Variants in SLC24A2 observed in about 807,000 individuals in gnomAD.
SLC24A2 encodes solute carrier family 24 member 2.
Under a neutral mutation model 62.0 loss-of-function variants are expected in SLC24A2, and 36 were observed. The ratio of observed to expected loss-of-function variants is 0.58; its 90% CI spans 0.44 to 0.77. The LOEUF is 0.77. Among genes scored for constraint, SLC24A2 ranks in the 30% least tolerant of loss-of-function variants. The pLI is 0.00. For synonymous variants in SLC24A2, 358 were observed against 294.0 expected (o/e 1.22, Z -2.23); for missense variants, 846 against 817.9 (o/e 1.03, Z -0.42).
At chr9:19,821,748 A>G in the SLC24A2 span, among the ~76,000 whole-genome samples, 1 of 152,178 alleles carries the variant, frequency 6.6e-6, no homozygotes, top group Admixed American at 6.5e-5. Flanking sequence ...TACAAGGGGC[A>G]GGAAGCAAGG....
Position 19,756,903 on chromosome 9 carries a change from C to CTTT in SLC24A2, c.930+29031_930+29033dup, listed in dbSNP as rs780450451. On this transcript the variant is annotated intron_variant, in intron 2 of 10. Coordinates refer to ENST00000341998, the MANE Select transcript of SLC24A2 (RefSeq NM_020344.4). ...GATATTCACACTTCTTTTACTGAAG[C>CTTT]TTTTTTTTTTTTTTTTTTTTTTTAG... Among the ~76,000 whole-genome samples the CTTT allele has an allele frequency of 5.9e-4, 46 of 78,532 alleles. 9 individuals are homozygous for CTTT. Among genetic ancestry groups the CTTT allele is most frequent in the African/African-American group, 1.2e-3 (25 of 20,474 alleles). The allele number at this position is 78,532 out of a possible 152,430, so 51.5% of individuals were successfully genotyped here. A position where few individuals can be genotyped will look rare whatever the true frequency, so the allele number is the denominator to read the frequency against.
At chr9:20,235,883 C>A in the SLC24A2 span, among the ~76,000 whole-genome samples, 47,780 of 148,468 alleles carry the variant, frequency 0.32, 9,069 homozygotes, top group East Asian at 0.73. Context: ...CAGGCTATTT[C>A]TTTCTTTTTT....
chr9:20,036,494 C>G, the SLC24A2 span, among the ~76,000 whole-genome samples: 115 of 152,192 alleles, frequency 7.6e-4, no homozygotes, highest in Non-Finnish European at 1.4e-3. Flanking sequence ...CCCATTCCCC[C>G]CCACTACCCA....
chr9:19,668,963 T>A (rs147808871), intron 2 of SLC24A2, among the ~76,000 whole-genome samples: 488 of 152,352 alleles, frequency 3.2e-3, no homozygotes, highest in Non-Finnish European at 4.7e-3. Flanking sequence ...CTATATTTCA[T>A]CAGCCTGTCT....
the SLC24A2 span, among the ~76,000 whole-genome samples, chr9:19,808,670 G>A: frequency 1.3e-5 from 2 of 152,150 alleles, no homozygotes; most frequent in Non-Finnish European, 2.9e-5. The surrounding 1 kb of genome is among the most constrained non-coding windows in gnomAD (Gnocchi z 4.1). Context: ...AGCACTATGG[G>A]GTTACAGTCT....
intron 4 of SLC24A2, among the ~76,000 whole-genome samples, chr9:19,605,701 A>AACTT (rs779734922): frequency 1.3e-5 from 2 of 152,250 alleles, no homozygotes; most frequent in Non-Finnish European, 2.9e-5. Context: ...AACTGACAGC[A>AACTT]ACTTATTGGG....
At chr9:20,003,542 G>C in the SLC24A2 span, among the ~76,000 whole-genome samples, 2 of 152,012 alleles carry the variant, frequency 1.3e-5, no homozygotes, top group Non-Finnish European at 2.9e-5. Context: ...GTATTAGTAA[G>C]AAGACAAGAG....
At chr9:20,101,014 C>A in the SLC24A2 span, among the ~76,000 whole-genome samples, 56 of 152,342 alleles carry the variant, frequency 3.7e-4, no homozygotes, top group East Asian at 7.3e-3. Context: ...ACTATGGTCT[C>A]ATTTCCAGAA....
At chr9:20,290,526 C>A in the SLC24A2 span, among the ~76,000 whole-genome samples, 3 of 152,230 alleles carry the variant, frequency 2.0e-5, no homozygotes, top group Non-Finnish European at 4.4e-5. Flanking sequence ...TGTGTGAGCT[C>A]TGGCTGGTGC....
At chr9:19,872,665 G>A in the SLC24A2 span, among the ~76,000 whole-genome samples, 8 of 152,214 alleles carry the variant, frequency 5.3e-5, no homozygotes, top group East Asian at 3.9e-4. Flanking sequence ...ACATTTGGGC[G>A]GTAGGGCCTA....
chr9:19,867,071 ATTGT>A, the SLC24A2 span, among the ~76,000 whole-genome samples: 6 of 152,298 alleles, frequency 3.9e-5, no homozygotes, highest in Middle Eastern at 6.8e-3. Context: ...GTATAATTGG[ATTGT>A]TTGTAATACA....
chr9:19,757,652 C>T (rs1212350301), intron 2 of SLC24A2, among the ~76,000 whole-genome samples: 4 of 152,086 alleles, frequency 2.6e-5, no homozygotes, highest in Non-Finnish European at 4.4e-5. Flanking sequence ...CACATAAAAC[C>T]CAGTAGAGAT....
chr9:20,241,987 T>C, the SLC24A2 span, among the ~76,000 whole-genome samples: 25 of 152,318 alleles, frequency 1.6e-4, no homozygotes, highest in East Asian at 2.1e-3. Flanking sequence ...AGAATCTTCT[T>C]GAAATTCTAA....
chr9:19,649,397 T>C (rs943266989), intron 2 of SLC24A2, among the ~76,000 whole-genome samples: 3 of 152,142 alleles, frequency 2.0e-5, no homozygotes, highest in Non-Finnish European at 4.4e-5. Flanking sequence ...AAAATACTAG[T>C]GCACTTTTAA....
At position 19,782,247 on chromosome 9, in the gene SLC24A2, C is replaced by T. The variant is rs148728731; in HGVS notation, c.930+3690G>A. On this transcript the variant is annotated intron_variant, in intron 2 of 10. Transcript: ENST00000341998. ...AGGCTAGGAGCATAGCAAAATGAGC[C>T]GAATGATCTGAAACTTAACTGCTTC... 7.2e-5 allele frequency among the ~76,000 whole-genome samples: 11 copies of T among 152,230 alleles called. No homozygotes were observed. In the East Asian group the frequency reaches 2.1e-3, roughly 29 times the overall value.
the SLC24A2 span, among the ~76,000 whole-genome samples, chr9:20,103,055 TG>T: frequency 2.0e-5 from 3 of 152,230 alleles, no homozygotes; most frequent in Admixed American, 2.0e-4. Context: ...ATCCCACGCC[TG>T]GCTTGGAGTG....
At chr9:20,191,821 G>T in the SLC24A2 span, among the ~76,000 whole-genome samples, 1 of 152,082 alleles carries the variant, frequency 6.6e-6, no homozygotes, top group South Asian at 2.1e-4. Context: ...GTGAAAAAAA[G>T]AGTGAGGTTT....
the SLC24A2 span, among the ~76,000 whole-genome samples, chr9:20,158,742 A>G: frequency 6.6e-6 from 1 of 151,600 alleles, no homozygotes; most frequent in African/African-American, 2.4e-5. Flanking sequence ...GGCAAAGAAG[A>G]CTTGGTGCAC....
chr9:19,703,535 G>T (rs969899965), intron 2 of SLC24A2, among the ~76,000 whole-genome samples: 1 of 152,128 alleles, frequency 6.6e-6, no homozygotes, highest in East Asian at 1.9e-4. Flanking sequence ...GACATAATTG[G>T]CCCAAAGAAC....
Sources: allele counts gnomAD v4.1 joint callset (sites outside exome capture counted in the v4.1 genomes callset), GRCh38; gene constraint gnomAD v4.1.1; non-coding constraint Gnocchi (gnomAD v3.1); transcripts MANE v1.5; gene names NCBI Gene and HGNC (gene_info 2026-07-23, HGNC 2026-07-21).